Variants in ZBBX observed in about 807,000 individuals in gnomAD.
ZBBX encodes zinc finger B-box domain containing, also known as zinc finger B-box domain-containing protein 1.
ZBBX carries 101 observed loss-of-function variants against 108.5 expected under a neutral mutation model. The ratio of observed to expected loss-of-function variants is 0.93; its 90% confidence interval spans 0.79 to 1.10. The LOEUF is 1.10. Among genes scored for constraint, ZBBX ranks in the 50% least tolerant of loss-of-function variants. The probability of loss-of-function intolerance (pLI) is 0.00; values close to 1 mark genes in which losing one functional copy is unlikely to be tolerated. For synonymous variants in ZBBX, 356 were observed against 323.4 expected (o/e 1.10, Z -1.08); for missense variants, 1,009 against 941.4 (o/e 1.07, Z -0.94).
intron 21 of ZBBX, among the ~76,000 whole-genome samples, chr3:167,242,304 C>T (rs900524180): frequency 6.6e-6 from 1 of 152,044 alleles, no homozygotes; most frequent in South Asian, 2.1e-4. Context: ...ATGATCTCTT[C>T]ACATTAAAGT....
At chr3:167,316,573 C>G (rs548506352) in intron 14 of ZBBX, among the ~76,000 whole-genome samples, 1 of 152,168 alleles carries the variant, frequency 6.6e-6, no homozygotes, top group South Asian at 2.1e-4. Context: ...AAGTCTTACA[C>G]ACTATTTCTA....
intron 11 of ZBBX, among the ~76,000 whole-genome samples, chr3:167,326,310 G>T (rs1362980146): frequency 1.3e-5 from 2 of 152,112 alleles, no homozygotes; most frequent in African/African-American, 4.8e-5. Context: ...GTGTGAGTAT[G>T]TGTGTGTACA....
chr3:167,208,394 A>G, the ZBBX span, among the ~76,000 whole-genome samples: 1 of 152,218 alleles, frequency 6.6e-6, no homozygotes, highest in East Asian at 1.9e-4. Flanking sequence ...TCAAAGTTCC[A>G]GAAAAGAGTC....
chr3:167,305,595 T>C, intron 17 of ZBBX, 48 bp downstream of exon 17: 2 of 1,343,776 alleles, frequency 1.5e-6, no homozygotes, highest in African/African-American at 1.5e-5. Flanking sequence ...CATTTTCTTA[T>C]GAGGTTTCTT....
chr3:167,357,529 A>G lies in ZBBX; in HGVS notation c.432+2341T>C, dbSNP rs551901092. ...GTATACACCCAAAAGAACTGAAAGC[A>G]GGGTCTTAAAGAGGTATTTGTACAC... On this transcript the variant is annotated intron_variant, in intron 8 of 21. Coordinates refer to ENST00000675490, the MANE Select transcript of ZBBX (RefSeq NM_001199201.2). Among the ~76,000 whole-genome samples, 251 of 152,276 alleles carry G rather than the reference A, an allele frequency of 1.6e-3. 1 individual carries two copies. The highest frequency in any genetic ancestry group is 5.1e-3 in the African/African-American group (214 of 41,560).
the ZBBX span, among the ~76,000 whole-genome samples, chr3:167,180,199 T>C: frequency 0.013 from 2,031 of 152,310 alleles, 22 homozygotes; most frequent in South Asian, 0.026. Context: ...ATTATGCACT[T>C]GTTTCTCAAT....
chr3:167,305,989 A>G (rs199719731), intron 16 of ZBBX, 39 bp from the exon 17 acceptor site: 19 of 1,396,326 alleles, frequency 1.4e-5, no homozygotes, highest in Non-Finnish European at 1.6e-5. Flanking sequence ...ACATAAATAA[A>G]TTTAAACAAA....
At chr3:167,338,713 A>C (rs775887236) in intron 9 of ZBBX, among the ~76,000 whole-genome samples, 4 of 152,154 alleles carry the variant, frequency 2.6e-5, no homozygotes, top group Non-Finnish European at 5.9e-5. Context: ...TGAAAACTCT[A>C]AACTCTGCAG....
chr3:167,254,002 C>T (rs1336764635), intron 20 of ZBBX, among the ~76,000 whole-genome samples: 1 of 152,122 alleles, frequency 6.6e-6, no homozygotes, highest in Non-Finnish European at 1.5e-5. Context: ...TGGTCACCTG[C>T]TCCTGGATTG....
chr3:167,302,544 C>T (rs1313005498), intron 17 of ZBBX, among the ~76,000 whole-genome samples: 1 of 152,038 alleles, frequency 6.6e-6, no homozygotes, highest in East Asian at 1.9e-4. Context: ...TACACACACA[C>T]ACACTATCCA....
At chr3:167,401,868 T>A (rs1371947134) in intron 1 of ZBBX, among the ~76,000 whole-genome samples, 1 of 152,122 alleles carries the variant, frequency 6.6e-6, no homozygotes, top group Non-Finnish European at 1.5e-5. Context: ...CCTCTGACAT[T>A]ATGAGAATGT....
At chr3:167,341,921 A>G in intron 9 of ZBBX, among the ~76,000 whole-genome samples, 1 of 151,992 alleles carries the variant, frequency 6.6e-6, no homozygotes, top group Middle Eastern at 3.4e-3. Context: ...CAATTAGATA[A>G]TTCGTATCCC....
intron 12 of ZBBX, among the ~76,000 whole-genome samples, chr3:167,318,543 C>T (rs574410684): frequency 3.9e-5 from 6 of 151,924 alleles, no homozygotes; most frequent in African/African-American, 1.2e-4. Flanking sequence ...TTCTTAACCA[C>T]GTACTTCCTT....
intron 1 of ZBBX, among the ~76,000 whole-genome samples, chr3:167,407,659 GA>G (rs1333623636): frequency 6.6e-6 from 1 of 151,910 alleles, no homozygotes; most frequent in African/African-American, 2.4e-5. Flanking sequence ...TCATGAGGAA[GA>G]AAAAATATGT....
intron 5 of ZBBX, 46 bp from the exon 6 acceptor site, chr3:167,366,022 T>A (rs1341795018): frequency 7.1e-7 from 1 of 1,412,300 alleles, no homozygotes; most frequent in African/African-American, 1.4e-5. Flanking sequence ...TAAACACATT[T>A]CTCCCTTTAA....
At chr3:167,312,400 A>C (rs1158131000) in intron 16 of ZBBX, among the ~76,000 whole-genome samples, 5 of 152,198 alleles carry the variant, frequency 3.3e-5, no homozygotes, top group African/African-American at 1.2e-4. Context: ...AGCATGTACA[A>C]TACCAAGAGT....
chr3:167,377,277 A>G (rs1450151918), intron 2 of ZBBX, among the ~76,000 whole-genome samples: 1 of 152,174 alleles, frequency 6.6e-6, no homozygotes, highest in Non-Finnish European at 1.5e-5. Flanking sequence ...TGCTCTATAC[A>G]GGTAGAAACT....
chr3:167,245,044 C>T (rs1316796273), intron 20 of ZBBX, among the ~76,000 whole-genome samples: 2 of 152,134 alleles, frequency 1.3e-5, no homozygotes, highest in Admixed American at 1.3e-4. Flanking sequence ...ATCAGAGAGG[C>T]TATTTCCCAA....
At chr3:167,402,236 A>G (rs1214049224) in intron 1 of ZBBX, among the ~76,000 whole-genome samples, 1 of 152,212 alleles carries the variant, frequency 6.6e-6, no homozygotes, top group Non-Finnish European at 1.5e-5. Context: ...AATCTGCTGC[A>G]TCTCCCATAT....
Sources: allele counts gnomAD v4.1 joint callset (sites outside exome capture counted in the v4.1 genomes callset), GRCh38; gene constraint gnomAD v4.1.1; transcripts MANE v1.5; gene names NCBI Gene and HGNC (gene_info 2026-07-23, HGNC 2026-07-21).